The following MCCC2 variants were observed in gnomAD, a reference collection of about 807,000 sequenced individuals.
MCCC2 encodes methylcrotonoyl-CoA carboxylase beta chain, mitochondrial.
Under a neutral mutation model 77.2 loss-of-function variants are expected in MCCC2, and 52 were observed. The observed-to-expected ratio is 0.67, with a 90% confidence interval of 0.54 to 0.85. MCCC2 has a LOEUF of 0.85. Among genes scored for constraint, MCCC2 ranks in the 40% least tolerant of loss-of-function variants. MCCC2 has a pLI of 0.00. For missense variants in MCCC2, 682 were observed against 703.2 expected, an observed-to-expected ratio of 0.97 and a Z score of 0.34; for synonymous variants, 253 against 248.4, an observed-to-expected ratio of 1.02 and a Z score of -0.18.
At chr5:71,632,233 T>C in intron 8 of MCCC2, 48 bp downstream of exon 8, 2 of 1,590,192 alleles carry the variant, frequency 1.3e-6, no homozygotes, top group Non-Finnish European at 1.7e-6. Flanking sequence ...GTCATTTTGT[T>C]TGTTTGTTTA....
rs560918278 is a variant in MCCC2, at chr5:71,646,766, C to A, written c.1216+489C>A. Among the ~76,000 whole-genome samples, 3 of 152,334 alleles carry A rather than the reference C, an allele frequency of 2.0e-5. No homozygotes were observed. In the South Asian group the frequency reaches 6.2e-4, roughly 32 times the overall value. ...CTTTACTCCTGTGTGTGCACAGCCA[C>A]ACACCCAGAAAGCAGCAGGAGCATG... On this transcript the variant is annotated intron_variant, in intron 13 of 16. Transcript: ENST00000340941.
At position 71,652,704 on chromosome 5, in the gene MCCC2, C is replaced by T. The variant is rs146674014; in HGVS notation, c.1524C>T (p.Pro508=). 1.2e-5 allele frequency: 19 copies of T among 1,613,974 alleles called. No individual in the cohort carries two copies. The highest frequency in any genetic ancestry group is 1.6e-5 in the Non-Finnish European group (19 of 1,180,014). Residue 508 remains proline, a synonymous_variant, in exon 16 of 17, where the codon CCC becomes CCT. Transcript: ENST00000340941. Reference sequence around the variant, plus strand: ...CTGATGAAGCGGCTTTAAAAGAGCCCATCATTAAGAAGTTTGAAGAGGAAG... The same window carrying T: ...CTGATGAAGCGGCTTTAAAAGAGCCTATCATTAAGAAGTTTGAAGAGGAAG... ...SSADEAALKE[P]IIKKFEEEGN...
chr5:71,649,058 C>T (rs1580331527), intron 13 of MCCC2, 39 bp from the exon 14 acceptor site: 1 of 1,611,202 alleles, frequency 6.2e-7, no homozygotes, highest in African/African-American at 1.3e-5. Flanking sequence ...GCATATTAAT[C>T]CCATCACCCA....
chr5:71,646,228 G>A lies in MCCC2; in HGVS notation c.1167G>A (p.Gln389=), dbSNP rs1164597153. Residue 389 remains glutamine (Q), a synonymous_variant, in exon 13 of 17, where the codon CAG becomes CAA. Coordinates refer to ENST00000340941, the MANE Select transcript of MCCC2 (RefSeq NM_022132.5). ...GCTTATAGGGTACTCACTTTGTCCA[G>A]TTATGCTGCCAAAGAAATATTCCTC... ...ESAKKGTHFV[Q]LCCQRNIPLL... The A allele has an allele frequency of 6.2e-7, 1 of 1,613,826 alleles. No homozygotes were observed. Among genetic ancestry groups the A allele is most frequent in the Non-Finnish European group, 8.5e-7 (1 of 1,179,846 alleles).
intron 6 of MCCC2, among the ~76,000 whole-genome samples, chr5:71,626,329 A>T (rs1746526180): frequency 6.6e-6 from 1 of 152,190 alleles, no homozygotes; most frequent in Non-Finnish European, 1.5e-5. Context: ...TTGCAAAATT[A>T]TAGGTATATT....
chr5:71,589,790 A>G (rs1561815128), intron 1 of MCCC2, among the ~76,000 whole-genome samples: 1 of 152,182 alleles, frequency 6.6e-6, no homozygotes, highest in Non-Finnish European at 1.5e-5. Context: ...CAGTAGGTAC[A>G]ATTGTTATTT....
At chr5:71,592,469 A>G (rs2112275778) in intron 1 of MCCC2, among the ~76,000 whole-genome samples, 1 of 152,318 alleles carries the variant, frequency 6.6e-6, no homozygotes, top group East Asian at 1.9e-4. Flanking sequence ...TCAGTAAGCA[A>G]GCATTGGTTG....
intron 4 of MCCC2, among the ~76,000 whole-genome samples, chr5:71,600,122 G>A (rs1343619753): frequency 6.6e-6 from 1 of 151,884 alleles, no homozygotes; most frequent in East Asian, 1.9e-4. Context: ...CTGAGATGGA[G>A]CCACTGCACT....
At chr5:71,621,006 A>G (rs780577366) in intron 6 of MCCC2, among the ~76,000 whole-genome samples, 7 of 152,174 alleles carry the variant, frequency 4.6e-5, no homozygotes, top group East Asian at 1.9e-4. Flanking sequence ...TCCTGGTACA[A>G]TGCCTATGTT....
intron 6 of MCCC2, among the ~76,000 whole-genome samples, chr5:71,617,644 T>C (rs1465556771): frequency 6.6e-6 from 1 of 152,228 alleles, no homozygotes; most frequent in East Asian, 1.9e-4. Flanking sequence ...CAATTCCTTA[T>C]GTTTATTATA....
intron 8 of MCCC2, among the ~76,000 whole-genome samples, chr5:71,632,923 T>C (rs1187301042): frequency 6.6e-6 from 1 of 151,990 alleles, no homozygotes; most frequent in Non-Finnish European, 1.5e-5. Flanking sequence ...TACATGTGGA[T>C]TGCTTTAGAA....
Position 71,627,641 on chromosome 5 carries a change from C to T in MCCC2, c.738+888C>T, listed in dbSNP as rs554538750. Among the ~76,000 whole-genome samples, 27 of 152,242 alleles carry T rather than the reference C, an allele frequency of 1.8e-4. No individual in the cohort carries two copies. The South Asian group carries it at 1.9e-3, about 11-fold the overall frequency. On this transcript the variant is annotated intron_variant, in intron 7 of 16. Coordinates refer to ENST00000340941, the MANE Select transcript of MCCC2 (RefSeq NM_022132.5). ...TAGCTGTGTTTAGCATTTTGAAAAA[C>T]TTCTAATCTATCCAATACATGTTTT...
chr5:71,595,942 G>A (rs1019296805), intron 2 of MCCC2, among the ~76,000 whole-genome samples: 9 of 152,154 alleles, frequency 5.9e-5, no homozygotes, highest in African/African-American at 2.2e-4. Context: ...ATCATAGCAT[G>A]TATTTAATAA....
rs144039350 is a variant in MCCC2 at position 71,650,024 on chromosome 5, T to C, written c.1374-45T>C. On this transcript the variant is annotated intron_variant, in intron 14 of 16. Transcript: ENST00000340941. The stretch of plus-strand genomic sequence containing the variant: ...AAACATGGGCCTCTGAAAATCTATG[T>C]TGTATATTGACTTAATTTGTTTATT... 59 of 1,448,768 alleles carry C rather than the reference T, an allele frequency of 4.1e-5. No individual in the cohort carries two copies. The East Asian group carries it at 1.2e-3, about 30-fold the overall frequency. The allele number at this position is 1,448,768 out of a possible 1,614,324, so 89.7% of individuals were successfully genotyped here.
intron 16 of MCCC2, among the ~76,000 whole-genome samples, chr5:71,653,707 C>G (rs1747502320): frequency 6.6e-6 from 1 of 151,866 alleles, no homozygotes. Context: ...AAAAATTAGC[C>G]AGGCGTGATG....
intron 10 of MCCC2, among the ~76,000 whole-genome samples, chr5:71,639,775 A>G (rs1260805008): frequency 1.3e-5 from 2 of 152,212 alleles, no homozygotes; most frequent in Non-Finnish European, 1.5e-5. Flanking sequence ...TTGCTTGTTA[A>G]AGGTACAATT....
chr5:71,656,302 G>A (rs1005277675), intron 16 of MCCC2, among the ~76,000 whole-genome samples: 4 of 152,122 alleles, frequency 2.6e-5, no homozygotes, highest in Admixed American at 2.0e-4. Flanking sequence ...GTTTGGATGG[G>A]GGTTGGGGAA....
chr5:71,639,492 A>T (rs986776975), intron 10 of MCCC2, among the ~76,000 whole-genome samples: 3 of 151,868 alleles, frequency 2.0e-5, no homozygotes, highest in Non-Finnish European at 4.4e-5. Flanking sequence ...AACTGAAGAG[A>T]GTTAAGACCT....
chr5:71,597,969 G>A (rs781171806), intron 3 of MCCC2, among the ~76,000 whole-genome samples: 1 of 152,046 alleles, frequency 6.6e-6, no homozygotes, highest in Non-Finnish European at 1.5e-5. Flanking sequence ...CCTTAGACAA[G>A]TGACTTGATC....
Sources: allele counts gnomAD v4.1 joint callset (sites outside exome capture counted in the v4.1 genomes callset), GRCh38; gene constraint gnomAD v4.1.1; transcripts MANE v1.5; gene names NCBI Gene and HGNC (gene_info 2026-07-23, HGNC 2026-07-21).